OXR1: variants seen among roughly 807,000 people sequenced by gnomAD.
The protein encoded by OXR1 is oxidation resistance 1.
Under a neutral mutation model 104.6 loss-of-function variants are expected in OXR1, and 41 were observed. The ratio of observed to expected loss-of-function variants is 0.39; its 90% CI spans 0.31 to 0.51. OXR1 has a LOEUF of 0.51. Among genes scored for constraint, OXR1 ranks in the 20% least tolerant of loss-of-function variants. OXR1 has a pLI of 0.77. For missense variants in OXR1, 955 were observed against 1,031.9 expected (o/e 0.93, Z 1.02); for synonymous variants, 348 against 348.4 (o/e 1.00, Z 0.01).
rs569769790 is a variant in OXR1 at position 106,681,457 on chromosome 8, A to G, written c.304-1742A>G. ...GTTTTACATACACAAACAAATGCAC[A>G]CGCACCTGCTTTTCCTGACTTTTGA... On this transcript the variant is annotated intron_variant, in intron 4 of 16. Transcript: ENST00000517566. 1.4e-4 allele frequency among the ~76,000 whole-genome samples: 22 copies of G among 152,312 alleles called. No individual in the cohort carries two copies. In the South Asian group the frequency reaches 4.3e-3, roughly 30 times the overall value.
At chr8:106,690,839 G>A (rs899711651) in intron 6 of OXR1, among the ~76,000 whole-genome samples, 4 of 151,946 alleles carry the variant, frequency 2.6e-5, no homozygotes, top group African/African-American at 7.2e-5. Context: ...TAGTATATAC[G>A]TTGCATGAAG....
At chr8:106,357,322 T>A (rs1388999859) in intron 1 of OXR1, among the ~76,000 whole-genome samples, 1 of 151,794 alleles carries the variant, frequency 6.6e-6, no homozygotes, top group Admixed American at 6.6e-5. Context: ...GAATTTGGAG[T>A]TCCTTTGCCT....
intron 2 of OXR1, among the ~76,000 whole-genome samples, chr8:106,391,673 C>T (rs1335522710): frequency 6.6e-6 from 1 of 151,998 alleles, no homozygotes; most frequent in Non-Finnish European, 1.5e-5. Context: ...CTTTTGAGCT[C>T]TGCAAACTTA....
At chr8:106,555,918 GTATATATATGTACA>G (rs1197067266) in intron 3 of OXR1, among the ~76,000 whole-genome samples, 2 of 26,922 alleles carry the variant, frequency 7.4e-5, no homozygotes, top group African/African-American at 2.5e-4. Flanking sequence ...GTAGGCATAC[GTATATATATGTACA>G]TATATATATA....
intron 1 of OXR1, among the ~76,000 whole-genome samples, chr8:106,302,136 T>G (rs1031555455): frequency 3.3e-5 from 5 of 152,198 alleles, no homozygotes; most frequent in Non-Finnish European, 7.3e-5. Flanking sequence ...TGCTGCTATT[T>G]TCTAGTCTAT....
chr8:106,575,433 G>C (rs958071341), intron 3 of OXR1, among the ~76,000 whole-genome samples: 6 of 151,872 alleles, frequency 4.0e-5, no homozygotes, highest in African/African-American at 1.4e-4. Flanking sequence ...AAATGAAAAT[G>C]GACATTCACA....
chr8:106,288,212 A>C (rs1812579438), intron 1 of OXR1, among the ~76,000 whole-genome samples: 1 of 152,102 alleles, frequency 6.6e-6, no homozygotes, highest in Admixed American at 6.6e-5. Flanking sequence ...AGCCTCCTTA[A>C]ATTTTGTGAA....
chr8:106,683,303 A>G lies in OXR1; in HGVS notation c.408A>G (p.Gly136=). 2 of 1,481,114 alleles carry G rather than the reference A, an allele frequency of 1.4e-6. No homozygotes were observed. Among genetic ancestry groups the G allele is most frequent in the South Asian group, 2.3e-5 (2 of 87,660 alleles). 91.7% of individuals were successfully genotyped at this position (1,481,114 alleles called of 1,614,324 possible). The change falls in exon 5 of 17, where the codon GGA becomes GGG. Residue 136 remains glycine (G), a synonymous_variant. Transcript: ENST00000517566. ...NKLFSRAVVT[G]QVLYVPDPEY... ...TATTCTCCCGAGCAGTTGTTACTGGACAGGTAGTATCTTTTTTTTAATGTG... is the reference window on the plus strand; with the variant it reads ...TATTCTCCCGAGCAGTTGTTACTGGGCAGGTAGTATCTTTTTTTTAATGTG...
chr8:106,696,906 T>C (rs996632180), intron 7 of OXR1, among the ~76,000 whole-genome samples: 1 of 152,162 alleles, frequency 6.6e-6, no homozygotes, highest in Non-Finnish European at 1.5e-5. Context: ...GCCCCAGATG[T>C]GTGGTGAGCA....
At chr8:106,618,162 G>A in intron 3 of OXR1, 2 of 1,536,102 alleles carry the variant, frequency 1.3e-6, no homozygotes, top group Non-Finnish European at 1.7e-6. Flanking sequence ...AAGGACCTCA[G>A]AAATGTTCTG....
chr8:106,669,769 C>T (rs1826742546), intron 3 of OXR1, among the ~76,000 whole-genome samples: 1 of 152,156 alleles, frequency 6.6e-6, no homozygotes, highest in African/African-American at 2.4e-5. Flanking sequence ...GATTTCCAGA[C>T]TTTCTACAGC....
Position 106,371,673 on chromosome 8 carries a change from G to C in OXR1, c.23+12037G>C, listed in dbSNP as rs1022932773. ...TGTACCCAGGGGTCATTCAGGAGCA[G>C]GTTTTCCAGTTTCCATGAAATCGTG... is the stretch of plus-strand genomic sequence containing the variant. On this transcript the variant is annotated intron_variant, in intron 2 of 16. Coordinates refer to ENST00000517566, the MANE Select transcript of OXR1 (RefSeq NM_001198533.2). Among the ~76,000 whole-genome samples the C allele has an allele frequency of 1.2e-4, 18 of 152,326 alleles. No homozygotes were observed. The East Asian group carries it at 2.1e-3, about 18-fold the overall frequency.
intron 3 of OXR1, among the ~76,000 whole-genome samples, chr8:106,586,940 C>T (rs933470953): frequency 6.6e-5 from 10 of 151,950 alleles, no homozygotes; most frequent in African/African-American, 1.7e-4. Flanking sequence ...TGGAAAGAGA[C>T]GATTTAGAAA....
intron 1 of OXR1, among the ~76,000 whole-genome samples, chr8:106,323,144 A>C (rs1814296688): frequency 6.6e-6 from 1 of 152,212 alleles, no homozygotes; most frequent in African/African-American, 2.4e-5. Flanking sequence ...ACTATACTAC[A>C]AGGCTACAGT....
chr8:106,291,660 G>A (rs1443610378), intron 1 of OXR1, among the ~76,000 whole-genome samples: 1 of 152,140 alleles, frequency 6.6e-6, no homozygotes, highest in Non-Finnish European at 1.5e-5. Context: ...TGAGTGGTAT[G>A]CATATATTAG....
Position 106,702,993 on chromosome 8 carries a change from T to A in OXR1, c.763T>A (p.Cys255Ser). 6.2e-7 allele frequency: 1 copy of A among 1,613,640 alleles called. No homozygotes were observed. Among genetic ancestry groups the A allele is most frequent in the Non-Finnish European group, 8.5e-7 (1 of 1,179,604 alleles). The change falls in exon 8 of 17, where the codon TGT becomes AGT. Residue 255 changes from cysteine (C) to serine (S), a missense_variant. Physicochemically the swap from Cys to Ser is moderately radical, Grantham distance 112 (BLOSUM62 -1). Coordinates refer to ENST00000517566, the MANE Select transcript of OXR1 (RefSeq NM_001198533.2). Reference protein sequence around the residue: ...KNDPLVQENGCEEYGIMCPME... With the variant: ...KNDPLVQENGSEEYGIMCPME... ...TGACCCTTTGGTTCAAGAGAATGGC[T>A]GTGAGGAATATGGCATCATGTGTCC...
chr8:106,409,731 AG>A (rs549096355), intron 2 of OXR1, among the ~76,000 whole-genome samples: 20 of 152,286 alleles, frequency 1.3e-4, no homozygotes, highest in African/African-American at 4.8e-4. Flanking sequence ...GCTTAGTTAC[AG>A]TTGGGCTTAA....
At chr8:106,551,789 C>CATATATATATATAT (rs200289561) in intron 3 of OXR1, among the ~76,000 whole-genome samples, 1 of 127,288 alleles carries the variant, frequency 7.9e-6, no homozygotes, top group African/African-American at 3.0e-5. Context: ...CTCCACTATA[C>CATATATATATATAT]ATATATATAT....
chr8:106,316,717 CATCT>C (rs71307053), intron 1 of OXR1, among the ~76,000 whole-genome samples: 12,435 of 118,250 alleles, frequency 0.11, 746 homozygotes, highest in East Asian at 0.18. Flanking sequence ...ATCTATCTAT[CATCT>C]ATCTATCTAT....
Sources: gnomAD v4.1 joint callset for allele counts (sites outside exome capture counted in the v4.1 genomes callset) on GRCh38, gnomAD v4.1.1 for gene constraint, MANE v1.5 for transcripts, NCBI Gene and HGNC (gene_info 2026-07-23, HGNC 2026-07-21) for gene names.